The following CCDC184 variants were observed in gnomAD, a reference collection of about 807,000 sequenced individuals.
The protein encoded by CCDC184 is coiled-coil domain containing 184.
A neutral mutation model predicts 10.4 loss-of-function variants in CCDC184; 11 were observed. The ratio of observed to expected loss-of-function variants is 1.06; its 90% CI spans 0.67 to 1.75. CCDC184 has a LOEUF of 1.75. Among genes scored for constraint, CCDC184 ranks in the 40% most tolerant of loss-of-function variants. The pLI, the probability that CCDC184 is intolerant of heterozygous loss-of-function variation, is 0.00. For missense variants in CCDC184, 264 were observed against 267.9 expected (o/e 0.99, Z 0.10); for synonymous variants, 102 against 116.1 (o/e 0.88, Z 0.78).
rs890116727 is a variant in CCDC184 at position 48,183,909 on chromosome 12, C to T, written c.-214C>T. 7.2e-6 allele frequency: 4 copies of T among 552,310 alleles called. No individual in the cohort carries two copies. Among genetic ancestry groups the T allele is most frequent in the South Asian group, 5.3e-5 (2 of 37,882 alleles). The allele number at this position is 552,310 out of a possible 1,614,324, so 34.2% of individuals were successfully genotyped here. A position where few individuals can be genotyped will look rare whatever the true frequency, so the allele number is the denominator to read the frequency against. ...GGCTCTGGGACCCTCGCCGGGTCCT[C>T]GTCCCGCAGCCTCTTCTCGGCCTCC... On this transcript the variant is annotated 5_prime_UTR_variant, in exon 1 of 1. Coordinates refer to ENST00000316554, the MANE Select transcript of CCDC184 (RefSeq NM_001013635.4).
In CCDC184 at chr12:48,185,462, C is replaced by CG. The variant is rs1565939233; in HGVS notation, c.*760dup. The CG allele has an allele frequency of 6.0e-6, 1 of 167,108 alleles. No individual in the cohort carries two copies. Among genetic ancestry groups the CG allele is most frequent in the East Asian group, 1.9e-4 (1 of 5,200 alleles). 10.4% of individuals were successfully genotyped at this position (167,108 alleles called of 1,614,324 possible). On this transcript the variant is annotated 3_prime_UTR_variant, in exon 1 of 1. Coordinates refer to ENST00000316554, the MANE Select transcript of CCDC184 (RefSeq NM_001013635.4). ...AGAGCCCGGTTCACAGGCAGAGACT[C>CG]GGGGGTGCTCAGCAGCAGCCCAGAT...
At position 48,184,992 on chromosome 12, in the gene CCDC184, T is replaced by G; in HGVS notation, c.*285T>G. 2 of 387,184 alleles carry G rather than the reference T, an allele frequency of 5.2e-6. No individual in the cohort carries two copies. Among genetic ancestry groups the G allele is most frequent in the South Asian group, 7.6e-5 (1 of 13,180 alleles). 24.0% of individuals were successfully genotyped at this position (387,184 alleles called of 1,614,324 possible). A position where few individuals can be genotyped will look rare whatever the true frequency, so the allele number is the denominator to read the frequency against. ...CTCCCATCCATCCCTATCCTGTCCT[T>G]TCCCCCTTCCCAGACAACAGGAGAA... On this transcript the variant is annotated 3_prime_UTR_variant, in exon 1 of 1. Coordinates refer to ENST00000316554, the MANE Select transcript of CCDC184 (RefSeq NM_001013635.4).
Sources: allele counts gnomAD v4.1 joint callset, GRCh38; gene constraint gnomAD v4.1.1; transcripts MANE v1.5; gene names NCBI Gene and HGNC (gene_info 2026-07-23, HGNC 2026-07-21).